The following ABI3BP variants were observed in gnomAD, a reference collection of about 807,000 sequenced individuals.
ABI3BP encodes the protein ABI family member 3 binding protein.
A neutral mutation model predicts 268.6 loss-of-function variants in ABI3BP; 216 were observed. That is an observed-to-expected ratio of 0.80 (90% confidence interval 0.72 to 0.90). The LOEUF is 0.90. ABI3BP is among the 40% of genes least tolerant of loss of function. ABI3BP has a pLI of 0.00. For missense variants in ABI3BP, 2,090 were observed against 2,182.4 expected, an observed-to-expected ratio of 0.96 and a Z score of 0.84; for synonymous variants, 730 against 730.0, an observed-to-expected ratio of 1.00 and a Z score of 0.00.
At position 100,753,833 on chromosome 3, in the gene ABI3BP, C is replaced by T. The variant is rs370382577; in HGVS notation, c.4946G>A (p.Ser1649Asn). Residue 1649 changes from serine (S) to asparagine (N), a missense_variant, in exon 65 of 68, where the codon AGT (serine) becomes AAT (asparagine). By Grantham distance (46) the Ser-to-Asn change is conservative. Transcript: ENST00000471714. ...FSTESADPRV[S>N]EPVSAGRDAI... ...CAGGTACTTACCAGAAACTGGCTCA[C>T]TCACTCTTGGGTCCGCTGAGGAGAA... is the stretch of plus-strand genomic sequence containing the variant. 11 of 1,611,070 alleles carry T rather than the reference C, an allele frequency of 6.8e-6. No homozygotes were observed. Among genetic ancestry groups the T allele is most frequent in the Non-Finnish European group, 8.5e-6 (10 of 1,178,834 alleles).
At chr3:100,863,054 G>T in intron 12 of ABI3BP, 145 bp from the exon 13 acceptor site, 1 of 597,256 alleles carries the variant, frequency 1.7e-6, no homozygotes, top group South Asian at 2.2e-5. Context: ...TTACATCTAT[G>T]TTTCAATGTT....
intron 38 of ABI3BP, among the ~76,000 whole-genome samples, chr3:100,821,738 G>A (rs1320191348): frequency 2.0e-5 from 3 of 151,642 alleles, no homozygotes; most frequent in Non-Finnish European, 4.4e-5. Context: ...GAGTAGCTGG[G>A]ATTACAGGCA....
At chr3:100,970,697 G>T (rs1021318458) in intron 1 of ABI3BP, among the ~76,000 whole-genome samples, 6 of 152,148 alleles carry the variant, frequency 3.9e-5, no homozygotes, top group Non-Finnish European at 2.9e-5. Flanking sequence ...TTTCCTCCTC[G>T]CAGGGTAGTT....
At chr3:100,758,879 C>G (rs2095786641) in intron 63 of ABI3BP, among the ~76,000 whole-genome samples, 1 of 152,196 alleles carries the variant, frequency 6.6e-6, no homozygotes, top group Non-Finnish European at 1.5e-5. Flanking sequence ...CTGTAGGCTT[C>G]TAGCCTGAGA....
intron 57 of ABI3BP, among the ~76,000 whole-genome samples, chr3:100,785,093 C>T (rs1349608390): frequency 6.6e-6 from 1 of 152,014 alleles, no homozygotes; most frequent in Non-Finnish European, 1.5e-5. Flanking sequence ...AGAATATGTC[C>T]TATAGATCAC....
intron 16 of ABI3BP, 53 bp downstream of exon 16, chr3:100,850,607 G>A (rs905361474): frequency 7.5e-7 from 1 of 1,324,536 alleles, no homozygotes; most frequent in Non-Finnish European, 1.1e-6. Context: ...GCATTCACAT[G>A]ATTTTTTTTT....
intron 4 of ABI3BP, among the ~76,000 whole-genome samples, chr3:100,887,689 A>G (rs2042630666): frequency 6.6e-6 from 1 of 152,058 alleles, no homozygotes; most frequent in Non-Finnish European, 1.5e-5. Flanking sequence ...CACTCCTTAC[A>G]TCAGCAAAAT....
chr3:100,993,243 C>A, intron 1 of ABI3BP, 63 bp downstream of exon 1: 5 of 1,182,316 alleles, frequency 4.2e-6, no homozygotes, highest in East Asian at 2.6e-5. Context: ...TATTTAAAAT[C>A]AACATTTAAA....
intron 25 of ABI3BP, 52 bp downstream of exon 25, chr3:100,838,350 C>T (rs2098636641): frequency 1.3e-6 from 2 of 1,526,614 alleles, no homozygotes; most frequent in Non-Finnish European, 1.8e-6. Context: ...ATTAATGTTA[C>T]TTACACATTG....
Position 100,840,677 on chromosome 3 carries a change from A to G in ABI3BP, c.1804+143T>C, listed in dbSNP as rs1579955856. ...TTATAAACTATACCTATAGGAATTA[A>G]CTTTTTTTTCTGAAGAACAGAGCAC... On this transcript the variant is annotated intron_variant, in intron 22 of 67. Coordinates refer to ENST00000471714, the MANE Select transcript of ABI3BP (RefSeq NM_001375547.2). 6.2e-6 allele frequency: 4 copies of G among 644,016 alleles called. No individual in the cohort carries two copies. In the East Asian group the frequency reaches 1.2e-4, roughly 19 times the overall value. The allele number at this position is 644,016 out of a possible 1,614,324, so 39.9% of individuals were successfully genotyped here. A position where few individuals can be genotyped will look rare whatever the true frequency, so the allele number is the denominator to read the frequency against.
At chr3:100,836,006 A>C (rs1261787732) in intron 27 of ABI3BP, among the ~76,000 whole-genome samples, 1 of 152,194 alleles carries the variant, frequency 6.6e-6, no homozygotes, top group African/African-American at 2.4e-5. Context: ...GTATTTAAAA[A>C]GTTTTCACCA....
At chr3:100,932,293 G>T (rs929160139) in intron 1 of ABI3BP, among the ~76,000 whole-genome samples, 1 of 151,836 alleles carries the variant, frequency 6.6e-6, no homozygotes, top group Non-Finnish European at 1.5e-5. Context: ...ATAGGCCTTC[G>T]CAAAGATTTC....
chr3:100,825,796 G>T lies in ABI3BP; in HGVS notation c.2651C>A (p.Ala884Glu). The change falls in exon 35 of 68, where the codon GCA becomes GAA. Residue 884 changes from alanine to glutamate, a missense_variant. Physicochemically the swap from Ala to Glu is moderately radical, Grantham distance 107. Transcript: ENST00000471714. ...EPVTFRTEIPATTLATKTSKR... is the reference protein window; with the variant it reads ...EPVTFRTEIPETTLATKTSKR... The stretch of plus-strand genomic sequence containing the variant: ...TGTAGGGTCGTTACCTAAGGTTGTT[G>T]CAGGGATCTCAGTTCTAAAAGTAAC... 1 of 1,535,538 alleles carries T rather than the reference G, an allele frequency of 6.5e-7. No homozygotes were observed. The highest frequency in any genetic ancestry group is 8.7e-7 in the Non-Finnish European group (1 of 1,146,390).
intron 9 of ABI3BP, among the ~76,000 whole-genome samples, chr3:100,874,252 T>C (rs968408523): frequency 6.6e-6 from 1 of 152,172 alleles, no homozygotes; most frequent in African/African-American, 2.4e-5. Flanking sequence ...TGATGTTTGA[T>C]CAAGCTTGAG....
intron 64 of ABI3BP, 97 bp downstream of exon 64, chr3:100,754,515 G>A (rs1479389053): frequency 5.8e-6 from 7 of 1,196,962 alleles, no homozygotes; most frequent in South Asian, 5.4e-5. Flanking sequence ...TCAAGAAACA[G>A]TACATGTAGT....
intron 17 of ABI3BP, 93 bp from the exon 18 acceptor site, chr3:100,848,968 C>G (rs183633184): frequency 6.7e-5 from 64 of 961,084 alleles, no homozygotes; most frequent in Non-Finnish European, 4.9e-6. Flanking sequence ...AGTACAAGAA[C>G]TGCTTTATAT....
chr3:100,759,471 C>G (rs971230), intron 63 of ABI3BP, among the ~76,000 whole-genome samples: 38,876 of 151,858 alleles, frequency 0.26, 5,527 homozygotes, highest in East Asian at 0.53. Context: ...CAAAATAAGG[C>G]TAAATCAGGG....
Position 100,876,510 on chromosome 3 carries a change from A to G in ABI3BP, c.745+2T>C. The G allele has an allele frequency of 6.2e-7, 1 of 1,612,462 alleles. No homozygotes were observed. Among genetic ancestry groups the G allele is most frequent in the South Asian group, 1.1e-5 (1 of 90,972 alleles). ...AACACATTTCCAGAGCAGACAAATT[A>G]CCTTGCTTGATGATTGTTATTGGGA... is the stretch of plus-strand genomic sequence containing the variant. On this transcript the variant is annotated splice_donor_variant, in intron 7 of 67. Transcript: ENST00000471714. LOFTEE classifies it high-confidence loss of function.
Position 100,829,643 on chromosome 3 carries a change from G to A in ABI3BP, c.2480C>T (p.Thr827Ile), listed in dbSNP as rs1342478386. The change falls in exon 33 of 68, where the codon ACT (threonine) becomes ATT (isoleucine). Residue 827 changes from threonine to isoleucine, a missense_variant. Coordinates refer to ENST00000471714, the MANE Select transcript of ABI3BP (RefSeq NM_001375547.2). ...TTAAPKVPQR[T>I]HRPHPKPKTT... ...TTTAGGTTTGGGATGTGGACGATGA[G>A]TTCGTTGAGGCACTTTGGGAGCTAA... The A allele has an allele frequency of 6.5e-7, 1 of 1,535,514 alleles. No individual in the cohort carries two copies. Among genetic ancestry groups the A allele is most frequent in the Non-Finnish European group, 8.7e-7 (1 of 1,146,424 alleles).
Sources: gnomAD v4.1 joint callset for allele counts (sites outside exome capture counted in the v4.1 genomes callset) on GRCh38, gnomAD v4.1.1 for gene constraint, MANE v1.5 for transcripts, NCBI Gene and HGNC (gene_info 2026-07-23, HGNC 2026-07-21) for gene names.